Variants in METTL6 observed in about 807,000 individuals in gnomAD.
METTL6 encodes the protein tRNA N(3)-cytidine methyltransferase METTL6.
In METTL6, 22 loss-of-function variants were observed where a neutral mutation model predicts 26.4. The ratio of observed to expected loss-of-function variants is 0.83; its 90% CI spans 0.59 to 1.19. The LOEUF (loss-of-function observed/expected upper bound fraction) is 1.19, where lower values mean the gene tolerates loss of function less well. Ranked by LOEUF, METTL6 falls within the 50% of genes most tolerant of loss-of-function variation. The pLI is 0.00. For missense variants in METTL6, 304 were observed against 324.8 expected (o/e 0.94, Z 0.49); for synonymous variants, 109 against 116.2 (o/e 0.94, Z 0.40).
At chr3:15,402,772 T>C (rs1164956759) in intron 6 of METTL6, among the ~76,000 whole-genome samples, 2 of 140,934 alleles carry the variant, frequency 1.4e-5, no homozygotes, top group South Asian at 2.2e-4. Flanking sequence ...AAAAAAGAAA[T>C]GCAAAAACCT....
chr3:15,412,290 A>G (rs144088084), intron 5 of METTL6, among the ~76,000 whole-genome samples: 343 of 152,302 alleles, frequency 2.3e-3, no homozygotes, highest in African/African-American at 7.8e-3. Context: ...ACTACACATT[A>G]AATGAAACAA....
chr3:15,389,825 G>C (rs896385853), intron 6 of METTL6, among the ~76,000 whole-genome samples: 2 of 151,534 alleles, frequency 1.3e-5, no homozygotes, highest in East Asian at 1.9e-4. Context: ...TGGGATTACA[G>C]GCATACGCCA....
downstream of METTL6, among the ~76,000 whole-genome samples, chr3:15,406,617 TATATATATATATAGAGAGAGAG>T (rs1346386240): frequency 8.7e-4 from 41 of 47,062 alleles, no homozygotes; most frequent in African/African-American, 3.2e-3. Context: ...TATATATATA[TATATATATATATAGAGAGAGAG>T]AGAGAGAGAG....
At chr3:15,406,605 TATATATATATATATATATATATATAG>T (rs1478129769), downstream of METTL6, among the ~76,000 whole-genome samples, 7 of 47,942 alleles carry the variant, frequency 1.5e-4, no homozygotes, top group East Asian at 9.4e-4. Flanking sequence ...TATATATATA[TATATATATATATATATATATATATAG>T]AGAGAGAGAG....
In METTL6 at chr3:15,414,162, C is replaced by T. The variant is rs747462905; in HGVS notation, c.532G>A (p.Val178Ile). 9 of 1,604,276 alleles carry T rather than the reference C, an allele frequency of 5.6e-6. No homozygotes were observed. The highest frequency in any genetic ancestry group is 3.5e-5 in the Admixed American group (2 of 57,364). ...AAGACACTTTTGCCTGGTTTTAATACCTATGAAACAAAAGCAGGCTGAACA... is the reference window on the plus strand; with the variant it reads ...AAGACACTTTTGCCTGGTTTTAATATCTATGAAACAAAAGCAGGCTGAACA... ...MHLVLQNIYK[V>I]LKPGKSVLFR... Residue 178 changes from valine to isoleucine, a missense_variant and splice_region_variant, in exon 5 of 6, where the codon GTA becomes ATA. By Grantham distance (29) the Val-to-Ile change is conservative (BLOSUM62 3). Transcript: ENST00000383790.
At chr3:15,393,176 G>A (rs953701651) in intron 6 of METTL6, among the ~76,000 whole-genome samples, 7 of 152,168 alleles carry the variant, frequency 4.6e-5, no homozygotes, top group Non-Finnish European at 8.8e-5. Context: ...ATTACATTGA[G>A]CAGTGGTTGT....
In METTL6 at chr3:15,425,080, G is replaced by T; in HGVS notation, c.235C>A (p.Gln79Lys). 5 of 1,614,014 alleles carry T rather than the reference G, an allele frequency of 3.1e-6. No homozygotes were observed. The highest frequency in any genetic ancestry group is 4.2e-6 in the Non-Finnish European group (5 of 1,179,988). ...ELRSCREFED[Q>K]KLTMLEAGCG... Reference sequence around the variant, plus strand: ...CCAGCTTCAAGCATTGTTAACTTTTGATCTTCAAACTGGGGAAAGACAGCT... The same window carrying T: ...CCAGCTTCAAGCATTGTTAACTTTTTATCTTCAAACTGGGGAAAGACAGCT... The change falls in exon 3 of 6, where the codon CAA becomes AAA. Residue 79 changes from glutamine (Q) to lysine (K), a missense_variant. Coordinates refer to ENST00000383790, the MANE Select transcript of METTL6 (RefSeq NM_152396.4).
At chr3:15,415,695 A>AC in intron 4 of METTL6, 77 bp downstream of exon 4, 2 of 1,597,208 alleles carry the variant, frequency 1.3e-6, no homozygotes, top group Non-Finnish European at 1.7e-6. Flanking sequence ...TCTAGACAGT[A>AC]CATGAGCCTC....
intron 6 of METTL6, among the ~76,000 whole-genome samples, chr3:15,388,227 C>T (rs935274341): frequency 6.6e-6 from 1 of 152,158 alleles, no homozygotes; most frequent in Admixed American, 6.5e-5. Flanking sequence ...TCTCCTGCCT[C>T]AGCCTACTGA....
At chr3:15,418,543 C>G (rs188212823) in intron 3 of METTL6, among the ~76,000 whole-genome samples, 15 of 152,186 alleles carry the variant, frequency 9.9e-5, no homozygotes, top group Non-Finnish European at 2.1e-4. Context: ...ACAACAGCAT[C>G]TAAGGGCTGT....
rs1043628255 is a variant in METTL6, at chr3:15,398,316, C to T, written c.*11+12929G>A. On this transcript the variant is annotated intron_variant, in intron 6 of 6. Transcript: ENST00000443029. ...TCAAGTGATTCTCCTGCCTCAGCCT[C>T]CCAAGTAGCTGGGATTACAGGCGCA... 2.4e-4 allele frequency among the ~76,000 whole-genome samples: 36 copies of T among 152,104 alleles called. 1 individual carries two copies. Among genetic ancestry groups the T allele is most frequent in the Admixed American group, 2.1e-3 (32 of 15,276 alleles).
intron 6 of METTL6, among the ~76,000 whole-genome samples, chr3:15,401,536 CAAAAAAA>C (rs35578326): frequency 5.6e-5 from 4 of 71,860 alleles, no homozygotes; most frequent in Middle Eastern, 8.1e-3. Context: ...ATGTTCACGC[CAAAAAAA>C]AAAAAAAAAA....
downstream of METTL6, among the ~76,000 whole-genome samples, chr3:15,406,623 TATATATAGAGAG>T (rs1277551654): frequency 8.1e-4 from 32 of 39,742 alleles, no homozygotes; most frequent in Non-Finnish European, 1.1e-3. Context: ...TATATATATA[TATATATAGAGAG>T]AGAGAGAGAG....
At chr3:15,425,674 G>T (rs2061701136) in intron 2 of METTL6, among the ~76,000 whole-genome samples, 1 of 152,198 alleles carries the variant, frequency 6.6e-6, no homozygotes, top group Non-Finnish European at 1.5e-5. Context: ...CAAGCCGCCT[G>T]CCTCAGCCTC....
rs1248066106 is a variant in METTL6, at chr3:15,410,963, G to T, written c.*293C>A. ...GCTGGAGTGCAATGGCATGATCTTG[G>T]CTCACTGCAGTCTCCGCCTCTTGGG... is the stretch of plus-strand genomic sequence containing the variant. On this transcript the variant is annotated 3_prime_UTR_variant, in exon 6 of 6. Transcript: ENST00000383790. 3.7e-6 allele frequency: 1 copy of T among 273,482 alleles called. No homozygotes were observed. The highest frequency in any genetic ancestry group is 6.9e-6 in the Non-Finnish European group (1 of 145,364). 16.9% of individuals were successfully genotyped at this position (273,482 alleles called of 1,614,324 possible).
intron 6 of METTL6, among the ~76,000 whole-genome samples, chr3:15,404,595 C>A (rs1028220308): frequency 4.0e-5 from 6 of 151,698 alleles, no homozygotes; most frequent in African/African-American, 1.2e-4. Context: ...AGGTGATCCG[C>A]CTGCCTCGGC....
chr3:15,409,488 C>T (rs1321788101), downstream of METTL6, among the ~76,000 whole-genome samples: 1 of 152,200 alleles, frequency 6.6e-6, no homozygotes, highest in Non-Finnish European at 1.5e-5. Context: ...GCAACACTAG[C>T]TACGTGATTT....
At chr3:15,392,669 T>A (rs1035841051) in intron 6 of METTL6, among the ~76,000 whole-genome samples, 25 of 152,236 alleles carry the variant, frequency 1.6e-4, no homozygotes, top group Non-Finnish European at 3.2e-4. Flanking sequence ...GAATTAATTT[T>A]AGTATAAGGA....
chr3:15,406,330 A>G (rs1361088593), downstream of METTL6, among the ~76,000 whole-genome samples: 4 of 151,494 alleles, frequency 2.6e-5, no homozygotes, highest in African/African-American at 7.3e-5. Flanking sequence ...GTATTAATTT[A>G]GGGTGCACTG....
Sources: allele counts gnomAD v4.1 joint callset (sites outside exome capture counted in the v4.1 genomes callset), GRCh38; gene constraint gnomAD v4.1.1; transcripts MANE v1.5; gene names NCBI Gene and HGNC (gene_info 2026-07-23, HGNC 2026-07-21).